The following NFIB variants were observed in gnomAD, a reference collection of about 807,000 sequenced individuals.
NFIB encodes nuclear factor 1 B-type.
Under a neutral mutation model 61.5 loss-of-function variants are expected in NFIB, and 11 were observed. The ratio of observed to expected loss-of-function variants is 0.18; its 90% CI spans 0.11 to 0.30. The LOEUF (loss-of-function observed/expected upper bound fraction) is 0.30. Among genes scored for constraint, NFIB ranks in the 10% least tolerant of loss-of-function variants. The pLI is 1.00. For missense variants in NFIB, 471 were observed against 608.9 expected, an observed-to-expected ratio of 0.77 and a Z score of 2.38; for synonymous variants, 260 against 216.5, an observed-to-expected ratio of 1.20 and a Z score of -1.76.
At chr9:14,362,401 T>C (rs1252813810) in intron 1 of NFIB, 1 of 152,230 alleles carries the variant, frequency 6.6e-6, no homozygotes, top group African/African-American at 2.4e-5. Context: ...TGTCAACAAA[T>C]AGAGCTTCTC....
At chr9:14,140,763 A>G (rs1215127114) in intron 6 of NFIB, among the ~76,000 whole-genome samples, 2 of 152,098 alleles carry the variant, frequency 1.3e-5, no homozygotes, top group Non-Finnish European at 2.9e-5. Context: ...GTGAGACCCC[A>G]GCTCTACACA....
intron 2 of NFIB, among the ~76,000 whole-genome samples, chr9:14,259,249 G>A (rs2056517270): frequency 1.3e-5 from 2 of 152,202 alleles, no homozygotes; most frequent in African/African-American, 4.8e-5. Flanking sequence ...TGATGAAAGT[G>A]AAGAGAAAGT....
At chr9:14,186,982 TCTCC>T (rs1411292544) in intron 2 of NFIB, among the ~76,000 whole-genome samples, 1 of 151,118 alleles carries the variant, frequency 6.6e-6, no homozygotes, top group Non-Finnish European at 1.5e-5. Flanking sequence ...TCTCTCTCTC[TCTCC>T]CTCCTTCATT....
At position 14,307,257 on chromosome 9, in the gene NFIB, G is replaced by C. The variant is rs373772314; in HGVS notation, c.294C>G (p.Gly98=). 1.2e-6 allele frequency: 2 copies of C among 1,613,872 alleles called. No individual in the cohort carries two copies. The highest frequency in any genetic ancestry group is 1.7e-6 in the Non-Finnish European group (2 of 1,180,030). Residue 98 remains glycine (G), a synonymous_variant, in exon 2 of 11, where the codon GGC becomes GGG. Transcript: ENST00000380953. The surrounding 1 kb of genome is among the most constrained non-coding windows in gnomAD (Gnocchi z 5.3). ...YREDFVLTVT[G]KKHPCCVLSN... Reference sequence around the variant, plus strand: ...ATAAGACACAGCACGGGTGCTTCTTGCCAGTCACGGTGAGCACAAAGTCCT... The same window carrying C: ...ATAAGACACAGCACGGGTGCTTCTTCCCAGTCACGGTGAGCACAAAGTCCT...
At chr9:14,469,687 C>A in the NFIB span, among the ~76,000 whole-genome samples, 2 of 152,116 alleles carry the variant, frequency 1.3e-5, no homozygotes, top group African/African-American at 4.8e-5. Context: ...CTTGTATTCC[C>A]CCTTTCAGAC....
At chr9:14,107,088 G>T (rs1216697913) in intron 10 of NFIB, among the ~76,000 whole-genome samples, 1 of 151,894 alleles carries the variant, frequency 6.6e-6, no homozygotes, top group African/African-American at 2.4e-5. Context: ...GATTTTTAAG[G>T]GGTGAAGGCT....
At chr9:14,446,534 T>A in the NFIB span, among the ~76,000 whole-genome samples, 1 of 152,218 alleles carries the variant, frequency 6.6e-6, no homozygotes, top group East Asian at 1.9e-4. Flanking sequence ...GTCAAACTCA[T>A]CCATTTCATT....
At chr9:14,210,003 G>A (rs557716645) in intron 2 of NFIB, among the ~76,000 whole-genome samples, 9 of 151,926 alleles carry the variant, frequency 5.9e-5, no homozygotes, top group Admixed American at 2.6e-4. Flanking sequence ...TCCTTTCTAC[G>A]TTTTTGTTTT....
chr9:14,159,517 G>T (rs927918144), intron 3 of NFIB, among the ~76,000 whole-genome samples: 1 of 152,154 alleles, frequency 6.6e-6, no homozygotes, highest in African/African-American at 2.4e-5. Context: ...GTGAGAATCA[G>T]CCAAGTGGGG....
At chr9:14,510,213 A>G in the NFIB span, among the ~76,000 whole-genome samples, 16 of 152,206 alleles carry the variant, frequency 1.1e-4, no homozygotes, top group Non-Finnish European at 2.4e-4. Context: ...CGCATTTTAA[A>G]TCTGAGATGT....
intron 2 of NFIB, among the ~76,000 whole-genome samples, chr9:14,188,987 G>C (rs1587449634): frequency 6.6e-6 from 1 of 152,172 alleles, no homozygotes; most frequent in East Asian, 1.9e-4. Context: ...CAAATGCAAT[G>C]TTTATGATCC....
intron 2 of NFIB, among the ~76,000 whole-genome samples, chr9:14,189,578 T>C (rs1235867836): frequency 1.4e-5 from 2 of 144,670 alleles, no homozygotes; most frequent in Admixed American, 1.4e-4. Context: ...AAGGTTTAAT[T>C]AGTACTCCTC....
intron 1 of NFIB, among the ~76,000 whole-genome samples, chr9:14,322,733 C>A (rs1023008755): frequency 2.0e-5 from 3 of 151,872 alleles, no homozygotes; most frequent in African/African-American, 7.3e-5. Context: ...GAGGCGGGAG[C>A]GGGCCCGAGT....
At chr9:14,184,017 G>A (rs1475126221) in intron 2 of NFIB, among the ~76,000 whole-genome samples, 1 of 152,116 alleles carries the variant, frequency 6.6e-6, no homozygotes, top group East Asian at 1.9e-4. Flanking sequence ...ATTCATGCAC[G>A]ACCCTTACCA....
chr9:14,517,498 G>C, the NFIB span, among the ~76,000 whole-genome samples: 5 of 152,290 alleles, frequency 3.3e-5, no homozygotes, highest in South Asian at 2.1e-4. Flanking sequence ...CCAGAAACTT[G>C]CAGAAACAGC....
chr9:14,309,307 A>G (rs760431951), intron 1 of NFIB, among the ~76,000 whole-genome samples: 6 of 152,232 alleles, frequency 3.9e-5, no homozygotes, highest in Admixed American at 6.5e-5. Flanking sequence ...AGACTGCAAC[A>G]TGTTAGCTGT....
chr9:14,513,415 G>C, the NFIB span, among the ~76,000 whole-genome samples: 11 of 151,884 alleles, frequency 7.2e-5, no homozygotes, highest in African/African-American at 2.4e-4. Context: ...AGATCACTAG[G>C]TCAGGAGTTT....
intron 1 of NFIB, among the ~76,000 whole-genome samples, chr9:14,380,349 T>C (rs1042090072): frequency 1.3e-5 from 2 of 152,178 alleles, no homozygotes; most frequent in African/African-American, 2.4e-5. Context: ...AGGCAAAATG[T>C]AAAAACAAAC....
chr9:14,234,465 G>A (rs1185655082), intron 2 of NFIB, among the ~76,000 whole-genome samples: 2 of 151,400 alleles, frequency 1.3e-5, no homozygotes, highest in South Asian at 2.1e-4. Flanking sequence ...CACCTTCCGC[G>A]TTCAAGCAAC....
Sources: gnomAD v4.1 joint callset for allele counts (sites outside exome capture counted in the v4.1 genomes callset) on GRCh38, gnomAD v4.1.1 for gene constraint, Gnocchi (gnomAD v3.1) non-coding constraint, MANE v1.5 for transcripts, NCBI Gene and HGNC (gene_info 2026-07-23, HGNC 2026-07-21) for gene names.